The following INSYN2B variants were observed in gnomAD, a reference collection of about 807,000 sequenced individuals.
INSYN2B encodes protein INSYN2B.
A neutral mutation model predicts 41.2 loss-of-function variants in INSYN2B; 16 were observed. The ratio of observed to expected loss-of-function variants is 0.39; its 90% confidence interval spans 0.26 to 0.59. The LOEUF (loss-of-function observed/expected upper bound fraction) is 0.59, where lower values mean the gene tolerates loss of function less well. Ranked by LOEUF, INSYN2B falls within the 20% of genes least tolerant of loss-of-function variation. The pLI is 0.57. For synonymous variants in INSYN2B, 245 were observed against 244.4 expected, an observed-to-expected ratio of 1.00 and a Z score of -0.02; for missense variants, 608 against 646.4, an observed-to-expected ratio of 0.94 and a Z score of 0.64.
intron 1 of INSYN2B, among the ~76,000 whole-genome samples, chr5:169,902,970 T>G (rs562731692): frequency 6.6e-6 from 1 of 151,978 alleles, no homozygotes; most frequent in Admixed American, 6.6e-5. Context: ...TGGTGGCACA[T>G]GCCTGTAGTC....
chr5:169,882,842 C>G lies in INSYN2B; in HGVS notation c.1057G>C (p.Gly353Arg). The G allele has an allele frequency of 6.4e-7, 1 of 1,551,084 alleles. No homozygotes were observed. Among genetic ancestry groups the G allele is most frequent in the South Asian group, 1.2e-5 (1 of 84,044 alleles). ...KTNSASKSAP[G>R]CQEQTANNPT... The stretch of plus-strand genomic sequence containing the variant: ...TTGTTTGCCGTCTGCTCCTGACACC[C>G]AGGGGCAGATTTCGATGCACTGTTA... The change falls in exon 2 of 4, where the codon GGG becomes CGG. Residue 353 changes from glycine to arginine, a missense_variant. By Grantham distance (125) the Gly-to-Arg change is moderately radical. Coordinates refer to ENST00000377365, the MANE Select transcript of INSYN2B (RefSeq NM_001129891.3).
chr5:169,944,836 C>T (rs975276208), intron 1 of INSYN2B, among the ~76,000 whole-genome samples: 3 of 152,196 alleles, frequency 2.0e-5, no homozygotes, highest in African/African-American at 7.2e-5. Context: ...AACAGCCTTC[C>T]TCCTCCATCT....
chr5:169,888,534 A>C (rs1773104559), intron 1 of INSYN2B, among the ~76,000 whole-genome samples: 2 of 152,206 alleles, frequency 1.3e-5, no homozygotes, highest in Non-Finnish European at 2.9e-5. Flanking sequence ...ATACAGAAAC[A>C]TTGGACAATA....
chr5:169,901,561 G>A (rs1773928304), intron 1 of INSYN2B, among the ~76,000 whole-genome samples: 1 of 152,164 alleles, frequency 6.6e-6, no homozygotes, highest in African/African-American at 2.4e-5. Context: ...ATGAACCAGT[G>A]GGGAGGCTGT....
At chr5:169,935,494 C>A (rs1775946075) in intron 1 of INSYN2B, among the ~76,000 whole-genome samples, 1 of 152,148 alleles carries the variant, frequency 6.6e-6, no homozygotes, top group Non-Finnish European at 1.5e-5. Context: ...TTTCTAAAAC[C>A]ACTGCCACCT....
rs978021249 is a variant in INSYN2B at position 169,863,281 on chromosome 5, C to T, written c.*992G>A. Among the ~76,000 whole-genome samples the T allele has an allele frequency of 9.2e-5, 14 of 151,970 alleles. No individual in the cohort carries two copies. Among genetic ancestry groups the T allele is most frequent in the African/African-American group, 1.7e-4 (7 of 41,428 alleles). On this transcript the variant is annotated 3_prime_UTR_variant, in exon 4 of 4. Coordinates refer to ENST00000377365, the MANE Select transcript of INSYN2B (RefSeq NM_001129891.3). The stretch of plus-strand genomic sequence containing the variant: ...TGGTCACCAGGAAGGGAGACTGTGT[C>T]GATTAATATATGTTTGAACCTATCT...
intron 1 of INSYN2B, among the ~76,000 whole-genome samples, chr5:169,930,492 T>G (rs1775698965): frequency 1.3e-5 from 2 of 152,142 alleles, no homozygotes; most frequent in Non-Finnish European, 2.9e-5. Flanking sequence ...GCTTCATTCA[T>G]GGTAAATGAG....
intron 1 of INSYN2B, among the ~76,000 whole-genome samples, chr5:169,910,858 C>T (rs551029213): frequency 6.6e-6 from 1 of 152,328 alleles, no homozygotes; most frequent in African/African-American, 2.4e-5. Context: ...CTCTCCAGCC[C>T]ACCTAGTCGG....
intron 1 of INSYN2B, among the ~76,000 whole-genome samples, chr5:169,970,555 C>T (rs1452087119): frequency 6.6e-6 from 1 of 152,180 alleles, no homozygotes; most frequent in African/African-American, 2.4e-5. Flanking sequence ...GGAAACCACC[C>T]AACCTCTCTG....
chr5:169,942,730 G>A lies in INSYN2B; in HGVS notation c.-919+37547C>T, dbSNP rs1215437578. ...ACAGCTCCTGCCCTCCACATTGGTC[G>A]GAGAGACCACGAGGGTTCAGGAAAC... On this transcript the variant is annotated intron_variant, in intron 1 of 3. Transcript: ENST00000377365. Among the ~76,000 whole-genome samples, 8 of 152,202 alleles carry A rather than the reference G, an allele frequency of 5.3e-5. No homozygotes were observed. In the South Asian group the frequency reaches 8.3e-4, roughly 16 times the overall value.
chr5:169,966,859 G>T (rs368290183), intron 1 of INSYN2B, among the ~76,000 whole-genome samples: 1 of 152,114 alleles, frequency 6.6e-6, no homozygotes, highest in African/African-American at 2.4e-5. Flanking sequence ...ATCAGACTTT[G>T]GTCTAATGTT....
intron 1 of INSYN2B, among the ~76,000 whole-genome samples, chr5:169,967,058 C>T (rs772415434): frequency 6.6e-6 from 1 of 152,210 alleles, no homozygotes; most frequent in Non-Finnish European, 1.5e-5. Flanking sequence ...ATGTGCCAGG[C>T]ACTGTGCCAG....
intron 1 of INSYN2B, among the ~76,000 whole-genome samples, chr5:169,899,123 A>G (rs1409992781): frequency 6.6e-6 from 1 of 152,174 alleles, no homozygotes; most frequent in Non-Finnish European, 1.5e-5. Context: ...ATTAGAAGAG[A>G]TATTAGACAT....
At chr5:169,926,294 GGAAATATTGTCGCTTTGC>G (rs1775452022) in intron 1 of INSYN2B, among the ~76,000 whole-genome samples, 1 of 152,146 alleles carries the variant, frequency 6.6e-6, no homozygotes, top group South Asian at 2.1e-4. Context: ...TTGCTGTTTG[GGAAATATTGTCGCTTTGC>G]ATAGGATGGC....
intron 3 of INSYN2B, among the ~76,000 whole-genome samples, chr5:169,867,119 T>A (rs1034290746): frequency 6.6e-6 from 1 of 152,206 alleles, no homozygotes; most frequent in Admixed American, 6.5e-5. Flanking sequence ...TGGTGTATCA[T>A]AAAGGATATT....
At chr5:169,893,369 G>T (rs1178670517) in intron 1 of INSYN2B, among the ~76,000 whole-genome samples, 2 of 152,064 alleles carry the variant, frequency 1.3e-5, no homozygotes, top group Admixed American at 6.5e-5. Flanking sequence ...AAGGGCATTG[G>T]CTTAATATTA....
At chr5:169,940,284 C>T (rs1776187320) in intron 1 of INSYN2B, among the ~76,000 whole-genome samples, 1 of 152,146 alleles carries the variant, frequency 6.6e-6, no homozygotes, top group Non-Finnish European at 1.5e-5. Flanking sequence ...CAACCAGGGG[C>T]AATTTTGTCT....
chr5:169,871,099 C>G (rs372184252), intron 3 of INSYN2B, among the ~76,000 whole-genome samples: 2 of 152,112 alleles, frequency 1.3e-5, no homozygotes, highest in African/African-American at 4.8e-5. Flanking sequence ...ATCCCATTCA[C>G]GAGGACTCCA....
Position 169,905,042 on chromosome 5 carries a change from C to T in INSYN2B, c.-918-20226G>A, listed in dbSNP as rs184802904. On this transcript the variant is annotated intron_variant, in intron 1 of 3. Transcript: ENST00000377365. ...GAAAATGAAGATAGTAGTCATGACA[C>T]TCTCATGGGGCTGAGGTCAGGATTC... 5.9e-4 allele frequency among the ~76,000 whole-genome samples: 90 copies of T among 152,304 alleles called. No individual in the cohort carries two copies. The Middle Eastern group carries it at 0.014, about 23-fold the overall frequency.
Sources: allele counts gnomAD v4.1 joint callset (sites outside exome capture counted in the v4.1 genomes callset), GRCh38; gene constraint gnomAD v4.1.1; transcripts MANE v1.5; gene names NCBI Gene and HGNC (gene_info 2026-07-23, HGNC 2026-07-21).